Variants in GRID2 observed in about 807,000 individuals in gnomAD.
The protein encoded by GRID2 is glutamate receptor ionotropic, delta-2.
Under a neutral mutation model 114.8 loss-of-function variants are expected in GRID2, and 33 were observed. The observed-to-expected ratio is 0.29, with a 90% CI of 0.22 to 0.38. The LOEUF is 0.38. GRID2 is among the 10% of genes least tolerant of loss of function. The probability of loss-of-function intolerance (pLI) is 1.00; values close to 1 mark genes in which losing one functional copy is unlikely to be tolerated. For missense variants in GRID2, 1,184 were observed against 1,257.7 expected, an observed-to-expected ratio of 0.94 and a Z score of 0.89; for synonymous variants, 505 against 449.9, an observed-to-expected ratio of 1.12 and a Z score of -1.55.
intron 1 of GRID2, among the ~76,000 whole-genome samples, chr4:92,403,295 T>C (rs191266364): frequency 6.6e-6 from 1 of 152,250 alleles, no homozygotes; most frequent in Admixed American, 6.5e-5. Context: ...TCTAGAACAG[T>C]TTTGTTGCAC....
At chr4:92,696,175 C>T (rs1017871567) in intron 2 of GRID2, among the ~76,000 whole-genome samples, 1 of 152,030 alleles carries the variant, frequency 6.6e-6, no homozygotes, top group Non-Finnish European at 1.5e-5. Context: ...TTGATATAAA[C>T]CCCATTACAG....
chr4:92,324,614 C>G (rs1257638986), intron 1 of GRID2, among the ~76,000 whole-genome samples: 2 of 147,966 alleles, frequency 1.4e-5, no homozygotes, highest in African/African-American at 2.6e-5. Flanking sequence ...CACACACACA[C>G]ACACACACTG....
intron 2 of GRID2, among the ~76,000 whole-genome samples, chr4:92,616,108 C>G (rs1292864077): frequency 6.6e-6 from 1 of 151,520 alleles, no homozygotes; most frequent in Non-Finnish European, 1.5e-5. Context: ...AAATTAGTGT[C>G]TGATTTCATT....
chr4:92,763,356 A>T (rs1416791372), intron 2 of GRID2, among the ~76,000 whole-genome samples: 1 of 152,196 alleles, frequency 6.6e-6, no homozygotes, highest in Non-Finnish European at 1.5e-5. Context: ...TTTCCCATAA[A>T]TATACATAAT....
chr4:92,948,176 A>T (rs1464951792), intron 2 of GRID2, among the ~76,000 whole-genome samples: 1 of 151,958 alleles, frequency 6.6e-6, no homozygotes, highest in East Asian at 1.9e-4. Flanking sequence ...TTACATAAAT[A>T]GTCTATGGTT....
intron 1 of GRID2, among the ~76,000 whole-genome samples, chr4:93,784,545 G>C (rs993016900): frequency 6.6e-6 from 1 of 151,874 alleles, no homozygotes; most frequent in African/African-American, 2.4e-5. Flanking sequence ...AAGACTTTTG[G>C]CTTGAATCAG....
intron 14 of GRID2, among the ~76,000 whole-genome samples, chr4:93,652,983 G>A (rs1722721123): frequency 6.6e-6 from 1 of 152,042 alleles, no homozygotes; most frequent in Non-Finnish European, 1.5e-5. Context: ...TCCTGAGCAT[G>A]AAGGGATGCC....
At chr4:92,787,780 T>A (rs1739388529) in intron 2 of GRID2, among the ~76,000 whole-genome samples, 1 of 151,670 alleles carries the variant, frequency 6.6e-6, no homozygotes, top group Non-Finnish European at 1.5e-5. Flanking sequence ...GATTGAGAGG[T>A]GTTACCATTA....
chr4:92,672,334 C>A lies in GRID2; in HGVS notation c.244+82048C>A, dbSNP rs571087678. 3.3e-5 allele frequency among the ~76,000 whole-genome samples: 5 copies of A among 152,246 alleles called. No individual in the cohort carries two copies. In the East Asian group the frequency reaches 7.7e-4, roughly 23 times the overall value. Reference sequence around the variant, plus strand: ...AACATGTGTCTCTGACAGTCATGAACTTTAAATTTTCAGCTCTAATACCAT... The same window carrying A: ...AACATGTGTCTCTGACAGTCATGAAATTTAAATTTTCAGCTCTAATACCAT... On this transcript the variant is annotated intron_variant, in intron 2 of 15. Coordinates refer to ENST00000282020, the MANE Select transcript of GRID2 (RefSeq NM_001510.4).
intron 2 of GRID2, among the ~76,000 whole-genome samples, chr4:92,685,255 G>A (rs1163006186): frequency 1.3e-5 from 2 of 151,928 alleles, no homozygotes; most frequent in Non-Finnish European, 2.9e-5. Context: ...GAGAGGAGAG[G>A]GATTGAGAAA....
chr4:92,721,564 T>C (rs1357627706), intron 2 of GRID2, among the ~76,000 whole-genome samples: 1 of 152,120 alleles, frequency 6.6e-6, no homozygotes, highest in Non-Finnish European at 1.5e-5. Flanking sequence ...AGAAAAGTAC[T>C]AAAAAGACAG....
intron 1 of GRID2, among the ~76,000 whole-genome samples, chr4:92,344,344 A>C (rs533352365): frequency 6.6e-6 from 1 of 152,290 alleles, no homozygotes; most frequent in East Asian, 1.9e-4. Flanking sequence ...ACCACTGTGA[A>C]AGGGCTTAGA....
intron 13 of GRID2, among the ~76,000 whole-genome samples, chr4:93,587,643 T>A (rs556640087): frequency 6.6e-6 from 1 of 152,172 alleles, no homozygotes; most frequent in Non-Finnish European, 1.5e-5. Context: ...ATATTTCTTG[T>A]ACTTTCTCTA....
intron 1 of GRID2, among the ~76,000 whole-genome samples, chr4:92,374,041 C>T (rs1188156185): frequency 4.6e-5 from 7 of 152,032 alleles, no homozygotes; most frequent in Non-Finnish European, 7.4e-5. Context: ...CCCCCCCGCC[C>T]TGCCACCCCA....
chr4:92,939,409 G>T (rs1023485859), intron 2 of GRID2, among the ~76,000 whole-genome samples: 3 of 147,204 alleles, frequency 2.0e-5, no homozygotes, highest in African/African-American at 7.3e-5. Flanking sequence ...TTTTGATGGG[G>T]TTGTTTGTTT....
intron 13 of GRID2, among the ~76,000 whole-genome samples, chr4:93,567,456 A>G (rs1424858830): frequency 6.6e-6 from 1 of 152,180 alleles, no homozygotes; most frequent in African/African-American, 2.4e-5. Flanking sequence ...TCTTAGATTA[A>G]TTTTACAAAT....
intron 1 of GRID2, among the ~76,000 whole-genome samples, chr4:92,350,159 T>G (rs983901798): frequency 6.6e-6 from 1 of 151,964 alleles, no homozygotes; most frequent in African/African-American, 2.4e-5. Flanking sequence ...TGAAGTCATT[T>G]TTTTTAGTAT....
intron 2 of GRID2, among the ~76,000 whole-genome samples, chr4:92,982,521 A>T (rs1754281101): frequency 6.6e-6 from 1 of 152,094 alleles, no homozygotes; most frequent in African/African-American, 2.4e-5. Context: ...ATCAGTTTAC[A>T]CACCTGATTT....
intron 14 of GRID2, among the ~76,000 whole-genome samples, chr4:93,629,275 G>C (rs1164617269): frequency 6.6e-6 from 1 of 152,132 alleles, no homozygotes; most frequent in Non-Finnish European, 1.5e-5. Context: ...TTGATATGCA[G>C]TACAGATGTT....
Sources: allele counts gnomAD v4.1 joint callset (sites outside exome capture counted in the v4.1 genomes callset), GRCh38; gene constraint gnomAD v4.1.1; transcripts MANE v1.5; gene names NCBI Gene and HGNC (gene_info 2026-07-23, HGNC 2026-07-21).